MBTD1: variants seen among roughly 807,000 people sequenced by gnomAD.
MBTD1 encodes mbt domain containing 1.
MBTD1 carries 24 observed loss-of-function variants against 87.8 expected under a neutral mutation model. That is an observed-to-expected ratio of 0.27 (90% confidence interval 0.20 to 0.38). The LOEUF is 0.38. Ranked by LOEUF, MBTD1 falls within the 10% of genes least tolerant of loss-of-function variation. The probability of loss-of-function intolerance (pLI) is 1.00; values close to 1 mark genes in which losing one functional copy is unlikely to be tolerated. For synonymous variants in MBTD1, 237 were observed against 248.6 expected (o/e 0.95, Z 0.44); for missense variants, 436 against 760.2 (o/e 0.57, Z 5.02).
At chr17:51,231,053 TC>T (rs2053524096) in intron 2 of MBTD1, among the ~76,000 whole-genome samples, 1 of 152,196 alleles carries the variant, frequency 6.6e-6, no homozygotes. Flanking sequence ...TTCTTCTGCC[TC>T]AGCCTCTTGA....
intron 3 of MBTD1, among the ~76,000 whole-genome samples, chr17:51,222,839 T>C (rs2052991101): frequency 6.7e-6 from 1 of 148,468 alleles, no homozygotes; most frequent in South Asian, 2.2e-4. Flanking sequence ...TCTCGCTCTG[T>C]AGCCAGGCTG....
intron 12 of MBTD1, among the ~76,000 whole-genome samples, chr17:51,200,741 G>A (rs1012752736): frequency 2.6e-5 from 4 of 151,764 alleles, no homozygotes; most frequent in South Asian, 2.1e-4. Context: ...GCATGCACCT[G>A]TAATCCCAGC....
chr17:51,214,358 A>C, intron 6 of MBTD1, among the ~76,000 whole-genome samples: 1 of 152,210 alleles, frequency 6.6e-6, no homozygotes, highest in East Asian at 1.9e-4. Flanking sequence ...TGAGTGACTG[A>C]GTATAAGCCA....
rs1321456838 is a variant in MBTD1, at chr17:51,177,922, G to A, written c.*2654C>T. 1.3e-5 allele frequency: 2 copies of A among 152,022 alleles called. No individual in the cohort carries two copies. The highest frequency in any genetic ancestry group is 3.9e-4 in the East Asian group (2 of 5,194). 9.4% of individuals were successfully genotyped at this position (152,022 alleles called of 1,614,324 possible). On this transcript the variant is annotated 3_prime_UTR_variant, in exon 17 of 17. Coordinates refer to ENST00000586178, the MANE Select transcript of MBTD1 (RefSeq NM_017643.3). ...CACCATAATACAAATATTGATGGGA[G>A]AGGGTATTCACATCACGCAAAATTA...
intron 16 of MBTD1, among the ~76,000 whole-genome samples, chr17:51,186,634 C>A (rs1236033334): frequency 1.3e-5 from 2 of 152,002 alleles, no homozygotes; most frequent in African/African-American, 4.8e-5. Context: ...AATAGCTGGG[C>A]ATGGTGGCAG....
chr17:51,188,119 A>G (rs1366681970), intron 16 of MBTD1, among the ~76,000 whole-genome samples: 1 of 152,194 alleles, frequency 6.6e-6, no homozygotes, highest in African/African-American at 2.4e-5. Context: ...TTTTCCTAAT[A>G]TACCACATAC....
chr17:51,185,636 T>A (rs186476590), intron 16 of MBTD1: 8 of 152,352 alleles, frequency 5.3e-5, no homozygotes, highest in Admixed American at 2.6e-4. Flanking sequence ...TGAAATGTTA[T>A]GAACAAAGCC....
At chr17:51,260,503 G>A (rs989259498), upstream of MBTD1, 2 of 1,431,418 alleles carry the variant, frequency 1.4e-6, no homozygotes, top group South Asian at 1.4e-5. Context: ...CCGGGGCTTC[G>A]GCGGCGGCGG....
chr17:51,178,166 G>T lies in MBTD1; in HGVS notation c.*2410C>A, dbSNP rs191722971. The T allele has an allele frequency of 6.6e-6, 1 of 152,144 alleles. No individual in the cohort carries two copies. Among genetic ancestry groups the T allele is most frequent in the African/African-American group, 2.4e-5 (1 of 41,440 alleles). The allele number at this position is 152,144 out of a possible 1,614,324, so 9.4% of individuals were successfully genotyped here. A position where few individuals can be genotyped will look rare whatever the true frequency, so the allele number is the denominator to read the frequency against. ...TTTGAACCGTAAAAGAGAATGGGGC[G>T]ATTGAGTTGTACAACTGGAGTTATG... On this transcript the variant is annotated 3_prime_UTR_variant, in exon 17 of 17. Coordinates refer to ENST00000586178, the MANE Select transcript of MBTD1 (RefSeq NM_017643.3).
Position 51,180,432 on chromosome 17 carries a change from CCCCACCCA to C in MBTD1, c.*136_*143del. On this transcript the variant is annotated 3_prime_UTR_variant, in exon 17 of 17. Coordinates refer to ENST00000586178, the MANE Select transcript of MBTD1 (RefSeq NM_017643.3). ...CCTGCCCCCCCGACTAAAATAGCTC[CCCCACCCA>C]CCTGAAAAATCTGGAACTGAAATCT... is the stretch of plus-strand genomic sequence containing the variant. 8.7e-6 allele frequency: 1 copy of C among 114,610 alleles called. No individual in the cohort carries two copies. Among genetic ancestry groups the C allele is most frequent in the Non-Finnish European group, 1.7e-5 (1 of 59,200 alleles). The allele number at this position is 114,610 out of a possible 1,614,324, so 7.1% of individuals were successfully genotyped here. A position where few individuals can be genotyped will look rare whatever the true frequency, so the allele number is the denominator to read the frequency against.
chr17:51,190,721 CAAAAAAAAAAAAA>C (rs1165717944), intron 16 of MBTD1, among the ~76,000 whole-genome samples: 642 of 35,164 alleles, frequency 0.018, 37 homozygotes, highest in African/African-American at 0.11. Context: ...GACTCTGTCT[CAAAAAAAAAAAAA>C]AAAAAAAAAA....
chr17:51,204,222 C>T (rs559933172), intron 7 of MBTD1, among the ~76,000 whole-genome samples: 3 of 152,060 alleles, frequency 2.0e-5, no homozygotes, highest in Non-Finnish European at 4.4e-5. Flanking sequence ...CAGAGCATGG[C>T]ATCCTTACAT....
At position 51,179,001 on chromosome 17, in the gene MBTD1, G is replaced by C. The variant is rs1207766753; in HGVS notation, c.*1575C>G. ...TTCCCAAAAGTAGAGCAATATTTTA[G>C]AAAATAAATTGCTGGTTTTTTTTAA... is the stretch of plus-strand genomic sequence containing the variant. On this transcript the variant is annotated 3_prime_UTR_variant, in exon 17 of 17. Coordinates refer to ENST00000586178, the MANE Select transcript of MBTD1 (RefSeq NM_017643.3). 6.6e-6 allele frequency: 1 copy of C among 152,032 alleles called. No individual in the cohort carries two copies. The highest frequency in any genetic ancestry group is 1.9e-4 in the East Asian group (1 of 5,186). The allele number at this position is 152,032 out of a possible 1,614,324, so 9.4% of individuals were successfully genotyped here. A position where few individuals can be genotyped will look rare whatever the true frequency, so the allele number is the denominator to read the frequency against.
At chr17:51,192,710 A>T (rs2050872191) in intron 15 of MBTD1, 72 bp downstream of exon 15, 1 of 1,584,918 alleles carries the variant, frequency 6.3e-7, no homozygotes. Flanking sequence ...TCATAAGATG[A>T]CTTATGTGAG....
chr17:51,232,018 T>C (rs929989796), intron 2 of MBTD1, among the ~76,000 whole-genome samples: 5 of 152,076 alleles, frequency 3.3e-5, no homozygotes, highest in Admixed American at 2.0e-4. Context: ...TGAAAGGGTC[T>C]GCAACTTCAT....
chr17:51,211,618 A>G (rs1427464559), intron 6 of MBTD1, among the ~76,000 whole-genome samples: 1 of 152,162 alleles, frequency 6.6e-6, no homozygotes, highest in African/African-American at 2.4e-5. Flanking sequence ...GAGATGGAGC[A>G]CTAAGAAGTA....
chr17:51,186,774 C>CA (rs200710672), intron 16 of MBTD1, among the ~76,000 whole-genome samples: 11,023 of 141,618 alleles, frequency 0.078, 480 homozygotes, highest in Non-Finnish European at 0.1. Flanking sequence ...ACTCTCGTCT[C>CA]AAAAAAAAAA....
rs928116641 is a variant in MBTD1, at chr17:51,177,793, CTG to C, written c.*2781_*2782del. 2 of 152,124 alleles carry C rather than the reference CTG, an allele frequency of 1.3e-5. No homozygotes were observed. Among genetic ancestry groups the C allele is most frequent in the African/African-American group, 4.8e-5 (2 of 41,428 alleles). The allele number at this position is 152,124 out of a possible 1,614,324, so 9.4% of individuals were successfully genotyped here. On this transcript the variant is annotated 3_prime_UTR_variant, in exon 17 of 17. Coordinates refer to ENST00000586178, the MANE Select transcript of MBTD1 (RefSeq NM_017643.3). ...AGATGCTTTTCTTTTGTATAAATGA[CTG>C]TGGCTTTATTTAAAATATGAAAATC...
chr17:51,229,732 C>T (rs538555304), intron 2 of MBTD1, among the ~76,000 whole-genome samples: 12 of 148,680 alleles, frequency 8.1e-5, no homozygotes, highest in Non-Finnish European at 1.2e-4. Context: ...GCAATCTTGG[C>T]TCACTGCAAG....
Sources: gnomAD v4.1 joint callset for allele counts (sites outside exome capture counted in the v4.1 genomes callset) on GRCh38, gnomAD v4.1.1 for gene constraint, MANE v1.5 for transcripts, NCBI Gene and HGNC (gene_info 2026-07-23, HGNC 2026-07-21) for gene names.